Variants in CUTC observed in about 807,000 individuals in gnomAD.
CUTC encodes the protein cutC copper transporter.
CUTC carries 27 observed loss-of-function variants against 36.2 expected under a neutral mutation model. The observed-to-expected ratio is 0.75, with a 90% confidence interval of 0.55 to 1.03. CUTC has a LOEUF of 1.03. Ranked by LOEUF, CUTC falls within the 50% of genes least tolerant of loss-of-function variation. The probability of loss-of-function intolerance (pLI) is 0.00; values close to 1 mark genes in which losing one functional copy is unlikely to be tolerated. For missense variants in CUTC, 315 were observed against 343.5 expected (o/e 0.92, Z 0.66); for synonymous variants, 114 against 118.3 (o/e 0.96, Z 0.24).
At chr10:99,737,160 C>T (rs371292380) in intron 2 of CUTC, among the ~76,000 whole-genome samples, 4 of 151,708 alleles carry the variant, frequency 2.6e-5, no homozygotes. Context: ...GTCCCAGCTA[C>T]TTGGGAGGCT....
chr10:99,732,423 C>A lies in CUTC; in HGVS notation c.61+14C>A. On this transcript the variant is annotated intron_variant, in intron 1 of 8. Coordinates refer to ENST00000370476, the MANE Select transcript of CUTC (RefSeq NM_015960.3). Reference sequence around the variant, plus strand: ...CCGGGAAGGCCGGTGCGGAAGGTGGCGGGGGAGGGGACGGTCGGCCGAAGG... The same window carrying A: ...CCGGGAAGGCCGGTGCGGAAGGTGGAGGGGGAGGGGACGGTCGGCCGAAGG... The A allele has an allele frequency of 1.9e-6, 3 of 1,544,932 alleles. No individual in the cohort carries two copies. The highest frequency in any genetic ancestry group is 2.6e-6 in the Non-Finnish European group (3 of 1,144,256).
chr10:99,738,005 G>A (rs1403604017), intron 2 of CUTC, among the ~76,000 whole-genome samples: 1 of 152,048 alleles, frequency 6.6e-6, no homozygotes, highest in Non-Finnish European at 1.5e-5. Flanking sequence ...AATTAGCTGG[G>A]CGTGGTAGTG....
intron 5 of CUTC, among the ~76,000 whole-genome samples, chr10:99,745,263 T>C (rs1590120412): frequency 6.6e-6 from 1 of 152,256 alleles, no homozygotes; most frequent in East Asian, 1.9e-4. Context: ...TTGTAGAATT[T>C]TTGGGTTCCA....
chr10:99,742,875 A>C (rs535697120), intron 3 of CUTC, among the ~76,000 whole-genome samples: 1 of 152,326 alleles, frequency 6.6e-6, no homozygotes, highest in African/African-American at 2.4e-5. Flanking sequence ...CGAGCCTGGT[A>C]GTTATTGCAC....
chr10:99,741,555 CT>C (rs1388727089), intron 3 of CUTC, among the ~76,000 whole-genome samples: 1 of 151,794 alleles, frequency 6.6e-6, no homozygotes, highest in Admixed American at 6.6e-5. Context: ...TTTTCTCTCT[CT>C]TTGCTTTCCT....
chr10:99,745,387 C>A (rs909550621), intron 5 of CUTC, among the ~76,000 whole-genome samples: 6 of 152,194 alleles, frequency 3.9e-5, no homozygotes, highest in Admixed American at 1.3e-4. Flanking sequence ...CCTACATACA[C>A]TAAAGGGTGA....
chr10:99,736,383 G>A (rs1342950555), intron 2 of CUTC, 66 bp downstream of exon 2: 19 of 1,217,488 alleles, frequency 1.6e-5, no homozygotes, highest in Non-Finnish European at 2.1e-5. Flanking sequence ...TTAATCCTGT[G>A]TGCTTATCTC....
intron 3 of CUTC, among the ~76,000 whole-genome samples, chr10:99,742,234 A>G (rs1271603295): frequency 6.6e-6 from 1 of 151,984 alleles, no homozygotes; most frequent in Non-Finnish European, 1.5e-5. Context: ...TATAGGTGGG[A>G]GGGTAAATCC....
At chr10:99,733,630 C>T (rs6584322) in intron 1 of CUTC, among the ~76,000 whole-genome samples, 151,220 of 152,168 alleles carry the variant, frequency 0.99, 75,147 homozygotes, top group Middle Eastern at 1. Context: ...TGAGACTCTG[C>T]CTCAAAAAAG....
chr10:99,745,384 A>G (rs1401298036), intron 5 of CUTC, among the ~76,000 whole-genome samples: 3 of 152,230 alleles, frequency 2.0e-5, no homozygotes, highest in Non-Finnish European at 2.9e-5. Flanking sequence ...TTGCCTACAT[A>G]CACTAAAGGG....
rs574777150 is a variant in CUTC at position 99,739,872 on chromosome 10, A to G, written c.193+103A>G. 4.0e-4 allele frequency: 306 copies of G among 770,956 alleles called. No individual in the cohort carries two copies. In the African/African-American group the frequency reaches 4.8e-3, roughly 12 times the overall value. The allele number at this position is 770,956 out of a possible 1,614,324, so 47.8% of individuals were successfully genotyped here. ...GTCCTTTACTAATGTCATGTTAACTATGTTATGGATGTTGTATCAGAAATG... is the reference window on the plus strand; with the variant it reads ...GTCCTTTACTAATGTCATGTTAACTGTGTTATGGATGTTGTATCAGAAATG... On this transcript the variant is annotated intron_variant, in intron 3 of 8. Coordinates refer to ENST00000370476, the MANE Select transcript of CUTC (RefSeq NM_015960.3).
intron 8 of CUTC, 75 bp from the exon 9 acceptor site, chr10:99,755,550 T>G (rs1188033705): frequency 2.3e-6 from 2 of 863,282 alleles, no homozygotes; most frequent in Non-Finnish European, 3.8e-6. Context: ...CATGAAATAG[T>G]CTATAAAATG....
At chr10:99,754,684 CTT>C in intron 8 of CUTC, 50 bp downstream of exon 8, 1 of 1,369,494 alleles carries the variant, frequency 7.3e-7, no homozygotes, top group South Asian at 1.2e-5. Context: ...TTAATTTTTA[CTT>C]TCTCCCAAAT....
At chr10:99,740,938 A>G (rs560140463) in intron 3 of CUTC, among the ~76,000 whole-genome samples, 10 of 152,236 alleles carry the variant, frequency 6.6e-5, no homozygotes, top group African/African-American at 2.2e-4. Flanking sequence ...GAGTCTTTTT[A>G]TGTCTCTGAT....
intron 5 of CUTC, among the ~76,000 whole-genome samples, chr10:99,746,519 A>T (rs977348392): frequency 1.3e-5 from 2 of 152,056 alleles, no homozygotes; most frequent in Admixed American, 6.6e-5. Flanking sequence ...AAAAAAAGTT[A>T]AAAAAAAGTA....
At position 99,754,556 on chromosome 10, in the gene CUTC, A is replaced by G; in HGVS notation, c.629A>G (p.Gln210Arg). The G allele has an allele frequency of 6.2e-7, 1 of 1,613,228 alleles. No individual in the cohort carries two copies. Among genetic ancestry groups the G allele is most frequent in the Middle Eastern group, 1.7e-4 (1 of 6,054 alleles). The change falls in exon 8 of 9, where the codon CAA (glutamine) becomes CGA (arginine). Residue 210 changes from glutamine (Q) to arginine (R), a missense_variant. Coordinates refer to ENST00000370476, the MANE Select transcript of CUTC (RefSeq NM_015960.3). ...PGGGITDRNL[Q>R]RILEGSGATE... The stretch of plus-strand genomic sequence containing the variant: ...GGTGGTATAACAGACAGAAATCTAC[A>G]AAGGATCCTTGAGGGTTCAGGTGCT...
chr10:99,743,026 A>G (rs2037351853), intron 3 of CUTC, 127 bp from the exon 4 acceptor site: 11 of 782,724 alleles, frequency 1.4e-5, no homozygotes, highest in South Asian at 8.5e-5. Context: ...ACCTTCTACC[A>G]TATATACATT....
At chr10:99,737,181 G>C (rs1303547545) in intron 2 of CUTC, among the ~76,000 whole-genome samples, 1 of 151,462 alleles carries the variant, frequency 6.6e-6, no homozygotes, top group African/African-American at 2.4e-5. Context: ...AAGGTGGGAG[G>C]ATCACTTGAG....
intron 2 of CUTC, among the ~76,000 whole-genome samples, chr10:99,738,389 G>GGTGTGGGTGTGT (rs1554843113): frequency 1.4e-5 from 2 of 142,862 alleles, no homozygotes; most frequent in African/African-American, 2.6e-5. Flanking sequence ...ACTCATACAG[G>GGTGTGGGTGTGT]GTGTGTGTGT....
Sources: allele counts gnomAD v4.1 joint callset (sites outside exome capture counted in the v4.1 genomes callset), GRCh38; gene constraint gnomAD v4.1.1; transcripts MANE v1.5; gene names NCBI Gene and HGNC (gene_info 2026-07-23, HGNC 2026-07-21).